Variants in DDX60L observed in about 807,000 individuals in gnomAD.
DDX60L encodes the protein DExD/H-box 60 like, also known as probable ATP-dependent RNA helicase DDX60-like.
In DDX60L, 191 loss-of-function variants were observed where a neutral mutation model predicts 211.6. That is an observed-to-expected ratio of 0.90 (90% CI 0.80 to 1.02). The LOEUF is 1.02. Among genes scored for constraint, DDX60L ranks in the 50% least tolerant of loss-of-function variants. DDX60L has a pLI of 0.00. For synonymous variants in DDX60L, 706 were observed against 694.1 expected (o/e 1.02, Z -0.27); for missense variants, 2,007 against 1,984.1 (o/e 1.01, Z -0.22).
intron 24 of DDX60L, among the ~76,000 whole-genome samples, chr4:168,405,735 A>G (rs916038818): frequency 2.0e-5 from 3 of 152,200 alleles, no homozygotes; most frequent in Non-Finnish European, 4.4e-5. Flanking sequence ...CCAAAAGCCT[A>G]TGGTGCATGT....
chr4:168,426,621 G>C (rs1333610646), intron 14 of DDX60L, among the ~76,000 whole-genome samples: 1 of 152,128 alleles, frequency 6.6e-6, no homozygotes, highest in Non-Finnish European at 1.5e-5. Flanking sequence ...AAGATAGTCT[G>C]GAAGTGAACC....
intron 14 of DDX60L, 75 bp from the exon 15 acceptor site, chr4:168,423,849 G>A (rs1751045562): frequency 2.1e-6 from 2 of 960,800 alleles, no homozygotes; most frequent in South Asian, 3.7e-5. Context: ...CAATCATTGA[G>A]TTAATCAATT....
intron 1 of DDX60L, chr4:168,476,158 A>G (rs1357770865): frequency 1.3e-5 from 2 of 151,352 alleles, no homozygotes; most frequent in Non-Finnish European, 2.9e-5. Flanking sequence ...AAGATTTAAG[A>G]AATAAAAGTT....
chr4:168,416,672 C>T lies in DDX60L; in HGVS notation c.2726+10G>A, dbSNP rs766978255. On this transcript the variant is annotated intron_variant, in intron 20 of 37. Transcript: ENST00000682922. ...AATATATAACAACCACTCTTTTTAC[C>T]TATACCTACTTGGTGAGAAGATTTG... 7.1e-6 allele frequency: 11 copies of T among 1,541,386 alleles called. No individual in the cohort carries two copies. The African/African-American group carries it at 1.1e-4, about 16-fold the overall frequency.
At chr4:168,361,703 G>C (rs13118834) in intron 36 of DDX60L, among the ~76,000 whole-genome samples, 57,514 of 152,088 alleles carry the variant, frequency 0.38, 12,894 homozygotes, top group East Asian at 0.59. Flanking sequence ...AGTCAGGGTG[G>C]CTTCTTCCTA....
At chr4:168,412,870 A>C (rs1422285964) in intron 22 of DDX60L, among the ~76,000 whole-genome samples, 2 of 152,240 alleles carry the variant, frequency 1.3e-5, no homozygotes, top group Non-Finnish European at 2.9e-5. Flanking sequence ...AGGGAAGAAA[A>C]CTAAAGTCTC....
At chr4:168,453,619 T>C (rs556398805) in intron 7 of DDX60L, among the ~76,000 whole-genome samples, 1 of 152,262 alleles carries the variant, frequency 6.6e-6, no homozygotes, top group African/African-American at 2.4e-5. Flanking sequence ...AAGAGTAATA[T>C]CTACAAACCC....
chr4:168,429,864 G>T (rs575024610), intron 13 of DDX60L, among the ~76,000 whole-genome samples: 1 of 152,306 alleles, frequency 6.6e-6, no homozygotes, highest in African/African-American at 2.4e-5. Context: ...CTCCAGTCAT[G>T]TGAAGTGCCA....
chr4:168,396,144 A>AC lies in DDX60L; in HGVS notation c.3492-21_3492-20insG, dbSNP rs762778874. On this transcript the variant is annotated intron_variant, in intron 26 of 37. Coordinates refer to ENST00000682922, the MANE Select transcript of DDX60L (RefSeq NM_001012967.3). Reference sequence around the variant, plus strand: ...TTAGTGCTACTATTTAAAAAAAAAAAAAAACTTTTAAGTAATGAAAACTCA... The same window carrying AC: ...TTAGTGCTACTATTTAAAAAAAAAAACAAAACTTTTAAGTAATGAAAACTCA... 22 of 1,393,106 alleles carry AC rather than the reference A, an allele frequency of 1.6e-5. No homozygotes were observed. In the African/African-American group the frequency reaches 2.9e-4, roughly 19 times the overall value. The allele number at this position is 1,393,106 out of a possible 1,614,324, so 86.3% of individuals were successfully genotyped here.
intron 19 of DDX60L, 93 bp downstream of exon 19, chr4:168,419,209 G>T: frequency 2.6e-6 from 2 of 766,128 alleles, no homozygotes; most frequent in East Asian, 3.2e-5. Flanking sequence ...CAACTTAACT[G>T]CCATCATTGA....
intron 29 of DDX60L, among the ~76,000 whole-genome samples, chr4:168,386,730 G>A: frequency 6.6e-6 from 1 of 151,856 alleles, no homozygotes; most frequent in South Asian, 2.1e-4. Context: ...CCTGCCTCTG[G>A]GAATCCTAAA....
chr4:168,421,282 T>C (rs2149877286), intron 17 of DDX60L, among the ~76,000 whole-genome samples: 1 of 152,346 alleles, frequency 6.6e-6, no homozygotes, highest in Non-Finnish European at 1.5e-5. Flanking sequence ...ATATTCATGA[T>C]AGTGAAATAT....
At chr4:168,385,994 G>C (rs1353797074) in intron 29 of DDX60L, among the ~76,000 whole-genome samples, 1 of 151,972 alleles carries the variant, frequency 6.6e-6, no homozygotes. Flanking sequence ...GGGAGGGAGG[G>C]AGAGGGAAAG....
At position 168,415,395 on chromosome 4, in the gene DDX60L, CT is replaced by C. The variant is rs769741545; in HGVS notation, c.2979+12del. The C allele has an allele frequency of 1.3e-6, 2 of 1,574,542 alleles. No homozygotes were observed. The highest frequency in any genetic ancestry group is 8.7e-7 in the Non-Finnish European group (1 of 1,154,310). On this transcript the variant is annotated intron_variant, in intron 22 of 37. Coordinates refer to ENST00000682922, the MANE Select transcript of DDX60L (RefSeq NM_001012967.3). ...AAATTCCACTAACAGGACAAATACA[CT>C]TTTATACTTACAATATCTGTCGTTA...
Position 168,396,106 on chromosome 4 carries a change from C to G in DDX60L, c.3510G>C (p.Lys1170Asn). Residue 1170 changes from lysine to asparagine, a missense_variant, in exon 27 of 38, where the codon AAG (lysine) becomes AAC (asparagine). Coordinates refer to ENST00000682922, the MANE Select transcript of DDX60L (RefSeq NM_001012967.3). ...TTTTTCTTTCCAGTTTTTCAGCCTTCTTTGGGTTTTTTTTAGTGCTACTAT... is the reference window on the plus strand; with the variant it reads ...TTTTTCTTTCCAGTTTTTCAGCCTTGTTTGGGTTTTTTTTAGTGCTACTAT... ...TQKRITKKNP[K>N]KAEKLERKKV... 1 of 1,464,110 alleles carries G rather than the reference C, an allele frequency of 6.8e-7. No individual in the cohort carries two copies. The highest frequency in any genetic ancestry group is 1.5e-5 in the African/African-American group (1 of 67,082). 90.7% of individuals were successfully genotyped at this position (1,464,110 alleles called of 1,614,324 possible). A position where few individuals can be genotyped will look rare whatever the true frequency, so the allele number is the denominator to read the frequency against.
At chr4:168,420,166 C>A (rs567637105) in intron 18 of DDX60L, 95 bp downstream of exon 18, 2 of 1,064,978 alleles carry the variant, frequency 1.9e-6, no homozygotes, top group Non-Finnish European at 2.6e-6. Flanking sequence ...GAAATGATTT[C>A]TATAAGGGCT....
At chr4:168,463,296 T>A (rs2150108781) in intron 4 of DDX60L, among the ~76,000 whole-genome samples, 1 of 152,298 alleles carries the variant, frequency 6.6e-6, no homozygotes, top group South Asian at 2.1e-4. Context: ...ATACTATGCA[T>A]TCATAAACAA....
In DDX60L at chr4:168,379,719, A is replaced by G. The variant is rs1742601951; in HGVS notation, c.4221+7T>C. On this transcript the variant is annotated splice_region_variant and intron_variant, in intron 31 of 37. Transcript: ENST00000682922. ...ACAGAGAACAAAAAGCCAAAGCACG[A>G]TGATACCTCTTTGATAAGGAGCTGC... 1.4e-5 allele frequency: 22 copies of G among 1,609,196 alleles called. No individual in the cohort carries two copies. Among genetic ancestry groups the G allele is most frequent in the Non-Finnish European group, 1.7e-5 (20 of 1,176,230 alleles).
intron 17 of DDX60L, among the ~76,000 whole-genome samples, chr4:168,421,302 A>G (rs915434856): frequency 1.1e-4 from 17 of 152,224 alleles, no homozygotes; most frequent in African/African-American, 3.4e-4. Context: ...TTTTCTAAAA[A>G]TAAGTATAAT....
Sources: allele counts gnomAD v4.1 joint callset (sites outside exome capture counted in the v4.1 genomes callset), GRCh38; gene constraint gnomAD v4.1.1; transcripts MANE v1.5; gene names NCBI Gene and HGNC (gene_info 2026-07-23, HGNC 2026-07-21).